GLRX3: variants seen among roughly 807,000 people sequenced by gnomAD.
GLRX3 encodes the protein glutaredoxin-3.
A neutral mutation model predicts 49.5 loss-of-function variants in GLRX3; 22 were observed. The ratio of observed to expected loss-of-function variants is 0.44; its 90% CI spans 0.32 to 0.63. The LOEUF is 0.63. Ranked by LOEUF, GLRX3 falls within the 30% of genes least tolerant of loss-of-function variation. GLRX3 has a pLI of 0.05. For synonymous variants in GLRX3, 133 were observed against 140.0 expected (o/e 0.95, Z 0.35); for missense variants, 385 against 396.3 (o/e 0.97, Z 0.24).
chr10:130,163,691 A>G (rs894057239), intron 4 of GLRX3, among the ~76,000 whole-genome samples: 1 of 152,170 alleles, frequency 6.6e-6, no homozygotes, highest in African/African-American at 2.4e-5. Flanking sequence ...GATTAATTGG[A>G]AAATATTTTT....
chr10:130,146,812 T>C (rs892893854), intron 2 of GLRX3, among the ~76,000 whole-genome samples: 3 of 152,244 alleles, frequency 2.0e-5, no homozygotes, highest in African/African-American at 7.2e-5. Flanking sequence ...TGCCTCTTTC[T>C]ATGTAAACTG....
At chr10:130,167,755 T>C (rs1862721127) in intron 6 of GLRX3, among the ~76,000 whole-genome samples, 1 of 152,178 alleles carries the variant, frequency 6.6e-6, no homozygotes, top group Admixed American at 6.5e-5. Flanking sequence ...AATAAATACC[T>C]CATTTGTCTG....
chr10:130,160,110 G>T, intron 3 of GLRX3, 41 bp downstream of exon 3: 1 of 1,160,166 alleles, frequency 8.6e-7, no homozygotes, highest in Non-Finnish European at 1.3e-6. Context: ...CATTTGTAGG[G>T]TGCCATGGGG....
At position 130,179,546 on chromosome 10, in the gene GLRX3, T is replaced by C. The variant is rs1039803765; in HGVS notation, c.*154T>C. On this transcript the variant is annotated 3_prime_UTR_variant, in exon 11 of 11. Coordinates refer to ENST00000331244, the MANE Select transcript of GLRX3 (RefSeq NM_006541.5). ...ATTTCACAATGTCGTGCTAAATAAA[T>C]GTATGTTACATTTTTTTCCCACCAA... 3.3e-6 allele frequency: 2 copies of C among 602,484 alleles called. No individual in the cohort carries two copies. Among genetic ancestry groups the C allele is most frequent in the Non-Finnish European group, 6.0e-6 (2 of 336,066 alleles). The allele number at this position is 602,484 out of a possible 1,614,324, so 37.3% of individuals were successfully genotyped here. A position where few individuals can be genotyped will look rare whatever the true frequency, so the allele number is the denominator to read the frequency against.
At chr10:130,139,997 C>T (rs1389962892) in intron 1 of GLRX3, among the ~76,000 whole-genome samples, 1 of 152,214 alleles carries the variant, frequency 6.6e-6, no homozygotes, top group African/African-American at 2.4e-5. Context: ...CTTTCCAAAT[C>T]ATCGCTTCTC....
intron 2 of GLRX3, among the ~76,000 whole-genome samples, chr10:130,147,257 A>G (rs1862287141): frequency 6.6e-6 from 1 of 152,264 alleles, no homozygotes; most frequent in Admixed American, 6.5e-5. Context: ...ATGAATGATT[A>G]AACATTTCAA....
intron 2 of GLRX3, among the ~76,000 whole-genome samples, chr10:130,156,290 C>T (rs1032652829): frequency 2.6e-4 from 39 of 152,178 alleles, no homozygotes; most frequent in African/African-American, 8.9e-4. Context: ...AACAGACTAG[C>T]CAGCCTCAAA....
chr10:130,157,493 G>GCC (rs1161867057), intron 2 of GLRX3, among the ~76,000 whole-genome samples: 1 of 5,980 alleles, frequency 1.7e-4, no homozygotes, highest in Admixed American at 2.3e-3. Flanking sequence ...GGTGGCCGCC[G>GCC]CCCCCCCCCC....
At chr10:130,161,111 T>G in intron 4 of GLRX3, 114 bp downstream of exon 4, 1 of 700,118 alleles carries the variant, frequency 1.4e-6, no homozygotes, top group Non-Finnish European at 2.5e-6. Context: ...CTTATACTTG[T>G]GTTCACATAC....
intron 1 of GLRX3, among the ~76,000 whole-genome samples, chr10:130,144,696 T>A (rs1862239110): frequency 1.3e-5 from 2 of 152,222 alleles, no homozygotes; most frequent in Non-Finnish European, 2.9e-5. Flanking sequence ...ATTTCCTTTA[T>A]CCAGTCTGTC....
chr10:130,146,390 T>A (rs1290877862), intron 2 of GLRX3, among the ~76,000 whole-genome samples: 1 of 152,212 alleles, frequency 6.6e-6, no homozygotes, highest in Non-Finnish European at 1.5e-5. Context: ...TCTAACCTGT[T>A]CAGAATGTAG....
At chr10:130,169,815 C>G (rs1056198092) in intron 7 of GLRX3, among the ~76,000 whole-genome samples, 3 of 152,206 alleles carry the variant, frequency 2.0e-5, no homozygotes, top group African/African-American at 4.8e-5. Flanking sequence ...CTGAAGTGTG[C>G]AGCTGAGTCA....
intron 8 of GLRX3, among the ~76,000 whole-genome samples, chr10:130,172,251 G>T (rs917411005): frequency 1.3e-5 from 2 of 152,132 alleles, no homozygotes; most frequent in Non-Finnish European, 2.9e-5. Context: ...ATATATTATA[G>T]GTAGTTTTTA....
chr10:130,172,145 A>G (rs1174029739), intron 8 of GLRX3, among the ~76,000 whole-genome samples: 1 of 152,182 alleles, frequency 6.6e-6, no homozygotes, highest in African/African-American at 2.4e-5. Flanking sequence ...AACATAAAGG[A>G]GGTCTTTAGG....
At chr10:130,177,617 A>G (rs1462774391) in intron 10 of GLRX3, among the ~76,000 whole-genome samples, 1 of 152,096 alleles carries the variant, frequency 6.6e-6, no homozygotes, top group African/African-American at 2.4e-5. Context: ...TCCAGATTCC[A>G]CCTGAGGGCC....
intron 1 of GLRX3, among the ~76,000 whole-genome samples, chr10:130,144,104 A>G (rs1191758119): frequency 6.6e-6 from 1 of 152,114 alleles, no homozygotes; most frequent in Non-Finnish European, 1.5e-5. Flanking sequence ...TTCATTTTCA[A>G]CACTTACTGC....
At chr10:130,163,571 C>T (rs1158912978) in intron 4 of GLRX3, among the ~76,000 whole-genome samples, 1 of 152,192 alleles carries the variant, frequency 6.6e-6, no homozygotes, top group Non-Finnish European at 1.5e-5. Context: ...TTTATAACTA[C>T]ATTTTCAGTG....
In GLRX3 at chr10:130,153,706, T is replaced by A. The variant is rs138884882; in HGVS notation, c.202-6289T>A. Among the ~76,000 whole-genome samples, 285 of 152,204 alleles carry A rather than the reference T, an allele frequency of 1.9e-3. 1 individual carries two copies. Among genetic ancestry groups the A allele is most frequent in the African/African-American group, 6.5e-3 (268 of 41,532 alleles). Reference sequence around the variant, plus strand: ...GCGGGGCACCTGTCTGCATGAGGTGTCTGTCGGCCCCTACTGGGAGGTGTC... The same window carrying A: ...GCGGGGCACCTGTCTGCATGAGGTGACTGTCGGCCCCTACTGGGAGGTGTC... On this transcript the variant is annotated intron_variant, in intron 2 of 10. Transcript: ENST00000331244.
Position 130,174,856 on chromosome 10 carries a change from C to A in GLRX3, c.825-11C>A. 6.5e-7 allele frequency: 1 copy of A among 1,547,298 alleles called. No individual in the cohort carries two copies. Among genetic ancestry groups the A allele is most frequent in the Non-Finnish European group, 8.9e-7 (1 of 1,119,666 alleles). On this transcript the variant is annotated splice_polypyrimidine_tract_variant and intron_variant, in intron 8 of 10. Coordinates refer to ENST00000331244, the MANE Select transcript of GLRX3 (RefSeq NM_006541.5). ...TGTATTTCCAGTTAAAATGTCTTCT[C>A]TTTTTTGCAGTGTTGAATATGAAAC... is the stretch of plus-strand genomic sequence containing the variant.
Sources: allele counts gnomAD v4.1 joint callset (sites outside exome capture counted in the v4.1 genomes callset), GRCh38; gene constraint gnomAD v4.1.1; transcripts MANE v1.5; gene names NCBI Gene and HGNC (gene_info 2026-07-23, HGNC 2026-07-21).